Variants in CCR5AS observed in about 807,000 individuals in gnomAD.
CCR5AS encodes CCR5 antisense RNA.
intron 3 of CCR5AS, among the ~76,000 whole-genome samples, chr3:46,367,841 G>A (rs1260041903): frequency 5.9e-5 from 9 of 152,118 alleles, no homozygotes; most frequent in Non-Finnish European, 1.5e-5. Flanking sequence ...CAAAGTGCTG[G>A]GATTATAGGC....
intron 1 of CCR5AS, among the ~76,000 whole-genome samples, chr3:46,405,749 T>C (rs991385110): frequency 1.3e-5 from 2 of 152,200 alleles, no homozygotes; most frequent in African/African-American, 4.8e-5. Flanking sequence ...CTTTCTGCCT[T>C]GTCTGTCGGC....
At chr3:46,403,961 G>A (rs899954526) in intron 1 of CCR5AS, among the ~76,000 whole-genome samples, 17 of 152,280 alleles carry the variant, frequency 1.1e-4, no homozygotes, top group African/African-American at 3.1e-4. Flanking sequence ...CTCTTACTGC[G>A]ACCCTCTTAT....
chr3:46,372,325 G>T (rs1284797324), intron 2 of CCR5AS, among the ~76,000 whole-genome samples: 1 of 152,124 alleles, frequency 6.6e-6, no homozygotes, highest in African/African-American at 2.4e-5. Context: ...GAGCCCAGGA[G>T]TTCGAGACCA....
intron 1 of CCR5AS, among the ~76,000 whole-genome samples, chr3:46,397,943 G>T (rs1701975274): frequency 1.3e-5 from 2 of 152,194 alleles, no homozygotes; most frequent in Non-Finnish European, 2.9e-5. Flanking sequence ...CATCAAAAAG[G>T]CCATGTCCGT....
At chr3:46,382,004 CA>C (rs1455978239) in intron 2 of CCR5AS, among the ~76,000 whole-genome samples, 17 of 152,280 alleles carry the variant, frequency 1.1e-4, no homozygotes, top group African/African-American at 4.1e-4. Context: ...TGCCTTTTAA[CA>C]AAAAGCAGCC....
At position 46,392,824 on chromosome 3, in the gene CCR5AS, C is replaced by A. The variant is rs569874398; in HGVS notation, n.391+1G>T. On this transcript the variant is annotated splice_donor_variant and non_coding_transcript_variant, in intron 2 of 3. Coordinates refer to ENST00000451485, the Ensembl canonical transcript of CCR5AS. ...AAGAAGAGAGTGAGGAGACCGCTTACCCGGTTTGAAATTGGTGAGATGTTC... is the reference window on the plus strand; with the variant it reads ...AAGAAGAGAGTGAGGAGACCGCTTAACCGGTTTGAAATTGGTGAGATGTTC... 4.4e-4 allele frequency: 90 copies of A among 204,670 alleles called. 1 individual carries two copies. In the South Asian group the frequency reaches 7.1e-3, roughly 16 times the overall value. The allele number at this position is 204,670 out of a possible 1,614,324, so 12.7% of individuals were successfully genotyped here.
intron 2 of CCR5AS, among the ~76,000 whole-genome samples, chr3:46,384,297 T>C (rs1187364431): frequency 6.6e-6 from 1 of 152,234 alleles, no homozygotes; most frequent in African/African-American, 2.4e-5. Context: ...ACGGGGTCTA[T>C]ACCTGGCTGG....
intron 2 of CCR5AS, among the ~76,000 whole-genome samples, chr3:46,391,997 C>T (rs886298443): frequency 2.0e-5 from 3 of 152,250 alleles, no homozygotes; most frequent in East Asian, 3.9e-4. Flanking sequence ...AATGCCTGGA[C>T]GTCAGGCACC....
exon 4 of CCR5AS, among the ~76,000 whole-genome samples, chr3:46,364,593 T>A (rs147691308): frequency 6.6e-6 from 1 of 151,988 alleles, no homozygotes; most frequent in African/African-American, 2.4e-5. Flanking sequence ...GACTTTCAAG[T>A]CTTATTAAGA....
intron 2 of CCR5AS, chr3:46,373,964 C>A (rs191297617): frequency 1.3e-6 from 2 of 1,549,482 alleles, no homozygotes; most frequent in African/African-American, 1.4e-5. Flanking sequence ...GCTTGTGACA[C>A]GGACTCAAGT....
At chr3:46,373,393 T>C (rs776305643) in intron 2 of CCR5AS, 2 of 1,612,436 alleles carry the variant, frequency 1.2e-6, no homozygotes, top group African/African-American at 2.7e-5. Context: ...CTCCCAGGAA[T>C]CATCTTTACC....
chr3:46,366,167 A>G (rs1337381883), intron 3 of CCR5AS, among the ~76,000 whole-genome samples: 1 of 152,130 alleles, frequency 6.6e-6, no homozygotes, highest in Non-Finnish European at 1.5e-5. Flanking sequence ...TGGTGCTGTC[A>G]TCTTCTAGTA....
intron 2 of CCR5AS, chr3:46,392,763 A>G: frequency 6.4e-6 from 1 of 157,194 alleles, no homozygotes; most frequent in Non-Finnish European, 1.4e-5. Context: ...CTGGAATTTG[A>G]AGGACAGGGA....
intron 1 of CCR5AS, among the ~76,000 whole-genome samples, chr3:46,404,720 C>T (rs920395661): frequency 1.3e-5 from 2 of 152,176 alleles, no homozygotes; most frequent in Admixed American, 6.5e-5. Flanking sequence ...TTCCCTGCTT[C>T]GCCTTCTCCA....
chr3:46,400,886 A>G (rs1261389963), intron 1 of CCR5AS, among the ~76,000 whole-genome samples: 2 of 152,212 alleles, frequency 1.3e-5, no homozygotes, highest in Admixed American at 6.5e-5. Context: ...ATTAATAGCC[A>G]AAAAATGGCA....
chr3:46,368,104 G>T (rs1322214144), intron 3 of CCR5AS, among the ~76,000 whole-genome samples: 1 of 152,140 alleles, frequency 6.6e-6, no homozygotes, highest in East Asian at 1.9e-4. Context: ...CAGAAATGGT[G>T]TGAGCAAGGA....
At chr3:46,400,306 T>C (rs1410289197) in intron 1 of CCR5AS, among the ~76,000 whole-genome samples, 1 of 152,178 alleles carries the variant, frequency 6.6e-6, no homozygotes, top group Non-Finnish European at 1.5e-5. Flanking sequence ...AAACAGCTGT[T>C]CTCGGAAACA....
chr3:46,397,950 C>G lies in CCR5AS; in HGVS notation n.164-4898G>C, dbSNP rs139332786. ...CCCACATGCATCAAAAAGGCCATGT[C>G]CGTGTAACTCCGACACGGGGCAGAC... On this transcript the variant is annotated intron_variant and non_coding_transcript_variant, in intron 1 of 3. Coordinates refer to ENST00000451485, the Ensembl canonical transcript of CCR5AS. Among the ~76,000 whole-genome samples the G allele has an allele frequency of 7.5e-4, 115 of 152,320 alleles. 1 individual carries two copies. Among genetic ancestry groups the G allele is most frequent in the African/African-American group, 2.7e-3 (114 of 41,572 alleles).
At chr3:46,386,811 A>G (rs1198534440) in intron 2 of CCR5AS, among the ~76,000 whole-genome samples, 1 of 152,178 alleles carries the variant, frequency 6.6e-6, no homozygotes, top group African/African-American at 2.4e-5. Flanking sequence ...TCTCTTAAGG[A>G]TACACTCTAA....
Sources: allele counts gnomAD v4.1 joint callset (sites outside exome capture counted in the v4.1 genomes callset), GRCh38; gene constraint gnomAD v4.1.1; transcripts MANE v1.5; gene names NCBI Gene and HGNC (gene_info 2026-07-23, HGNC 2026-07-21).